The following HS2ST1 variants were observed in gnomAD, a reference collection of about 807,000 sequenced individuals.
The protein encoded by HS2ST1 is 2-O-sulfotransferase.
Under a neutral mutation model 42.9 loss-of-function variants are expected in HS2ST1, and 18 were observed. That is an observed-to-expected ratio of 0.42 (90% confidence interval 0.29 to 0.62). The LOEUF (loss-of-function observed/expected upper bound fraction) is 0.62. Ranked by LOEUF, HS2ST1 falls within the 20% of genes least tolerant of loss-of-function variation. The pLI is 0.21. For missense variants in HS2ST1, 334 were observed against 433.8 expected (o/e 0.77, Z 2.04); for synonymous variants, 146 against 152.9 (o/e 0.95, Z 0.33).
chr1:87,030,425 G>A (rs533728692), intron 1 of HS2ST1, among the ~76,000 whole-genome samples: 2 of 152,184 alleles, frequency 1.3e-5, no homozygotes, highest in East Asian at 3.9e-4. Context: ...TTGAGCCCAA[G>A]AGTTCAAGGT....
intron 1 of HS2ST1, among the ~76,000 whole-genome samples, chr1:86,953,798 G>A (rs749879472): frequency 2.6e-5 from 4 of 151,644 alleles, no homozygotes; most frequent in Non-Finnish European, 5.9e-5. Context: ...GAATGACATG[G>A]GACTCTTCCT....
chr1:87,028,164 T>C (rs1650135519), intron 1 of HS2ST1, among the ~76,000 whole-genome samples: 1 of 152,190 alleles, frequency 6.6e-6, no homozygotes, highest in Non-Finnish European at 1.5e-5. Context: ...GTAGACAATT[T>C]CACGTACACT....
chr1:87,095,447 A>C (rs529456397), intron 4 of HS2ST1, among the ~76,000 whole-genome samples: 3 of 152,306 alleles, frequency 2.0e-5, no homozygotes, highest in African/African-American at 7.2e-5. Flanking sequence ...TTACACTTCA[A>C]ACACATTTTA....
At chr1:86,975,192 C>T (rs532581190) in intron 1 of HS2ST1, among the ~76,000 whole-genome samples, 2 of 151,940 alleles carry the variant, frequency 1.3e-5, no homozygotes, top group South Asian at 2.1e-4. Context: ...GTTTTATACG[C>T]ATATTTTAAA....
chr1:87,004,227 C>G (rs1649371051), intron 1 of HS2ST1, among the ~76,000 whole-genome samples: 1 of 152,000 alleles, frequency 6.6e-6, no homozygotes, highest in Non-Finnish European at 1.5e-5. Flanking sequence ...CCCATCTCTA[C>G]TACAAGTAGA....
intron 1 of HS2ST1, among the ~76,000 whole-genome samples, chr1:86,949,801 A>AC (rs1222945910): frequency 6.6e-5 from 10 of 152,070 alleles, no homozygotes; most frequent in African/African-American, 2.2e-4. Flanking sequence ...TTTCAGTTTT[A>AC]CCCCCAATAA....
At chr1:87,084,941 G>A (rs1185314570) in intron 3 of HS2ST1, among the ~76,000 whole-genome samples, 3 of 151,812 alleles carry the variant, frequency 2.0e-5, no homozygotes, top group Admixed American at 6.6e-5. Flanking sequence ...CACTGTGCCC[G>A]GCCTCTGTCA....
intron 1 of HS2ST1, among the ~76,000 whole-genome samples, chr1:86,990,812 T>TTATAGATATA (rs1553135488): frequency 9.8e-5 from 1 of 10,250 alleles, no homozygotes; most frequent in African/African-American, 1.5e-4. Flanking sequence ...CTGGCTAATT[T>TTATAGATATA]TATATATATA....
chr1:87,068,686 C>T (rs921155067), intron 1 of HS2ST1, among the ~76,000 whole-genome samples: 1 of 152,134 alleles, frequency 6.6e-6, no homozygotes, highest in Non-Finnish European at 1.5e-5. Context: ...TAATAGCTTA[C>T]TGTTGGCCAG....
At position 87,097,827 on chromosome 1, in the gene HS2ST1, C is replaced by G; in HGVS notation, c.589-11C>G. ...TTATGGCTTACCCGTGCTGCTTTGT[C>G]TTTGTTCTAGACCTTTGATGAATGT... On this transcript the variant is annotated splice_polypyrimidine_tract_variant and intron_variant, in intron 4 of 6. Transcript: ENST00000370550. 6.2e-7 allele frequency: 1 copy of G among 1,613,744 alleles called. No individual in the cohort carries two copies. Among genetic ancestry groups the G allele is most frequent in the Non-Finnish European group, 8.5e-7 (1 of 1,179,850 alleles).
chr1:87,075,059 T>C lies in HS2ST1; in HGVS notation c.363+1887T>C, dbSNP rs188138611. On this transcript the variant is annotated intron_variant, in intron 2 of 6. Coordinates refer to ENST00000370550, the MANE Select transcript of HS2ST1 (RefSeq NM_012262.4). ...TAAACTAAAAATTGCACTGTATTTC[T>C]TAAAAATAATTTTTAAATATTCCCT... 2.1e-3 allele frequency among the ~76,000 whole-genome samples: 325 copies of C among 152,138 alleles called. 4 individuals carry two copies. The highest frequency in any genetic ancestry group is 7.6e-3 in the African/African-American group (315 of 41,536).
At chr1:86,944,510 A>T (rs2102179111) in intron 1 of HS2ST1, among the ~76,000 whole-genome samples, 1 of 152,148 alleles carries the variant, frequency 6.6e-6, no homozygotes, top group South Asian at 2.1e-4. Flanking sequence ...GTGCACCACC[A>T]TGCCCGGCTC....
intron 1 of HS2ST1, among the ~76,000 whole-genome samples, chr1:87,064,899 G>A (rs1651209675): frequency 6.6e-6 from 1 of 152,186 alleles, no homozygotes; most frequent in Admixed American, 6.5e-5. Context: ...CTCAGCTCAA[G>A]TAAGTGATCT....
At chr1:87,061,724 G>A (rs1651126286) in intron 1 of HS2ST1, among the ~76,000 whole-genome samples, 1 of 152,152 alleles carries the variant, frequency 6.6e-6, no homozygotes, top group Non-Finnish European at 1.5e-5. Flanking sequence ...TTGAGTACCT[G>A]TTTTCAGTTC....
rs1467817389 is a variant in HS2ST1, at chr1:87,108,568, CCTGTTTCAAAT to C, written c.*3874_*3884del. 1 of 152,044 alleles carries C rather than the reference CCTGTTTCAAAT, an allele frequency of 6.6e-6. No individual in the cohort carries two copies. The highest frequency in any genetic ancestry group is 2.4e-5 in the African/African-American group (1 of 41,408). 9.4% of individuals were successfully genotyped at this position (152,044 alleles called of 1,614,324 possible). A position where few individuals can be genotyped will look rare whatever the true frequency, so the allele number is the denominator to read the frequency against. On this transcript the variant is annotated 3_prime_UTR_variant, in exon 7 of 7. Coordinates refer to ENST00000370550, the MANE Select transcript of HS2ST1 (RefSeq NM_012262.4). Reference sequence around the variant, plus strand: ...GCAGCCTTCTGAGGAGAAAAGCAACCCTGTTTCAAATCCACTGCCAATTCAGCTCCTCTGGA... The same window carrying C: ...GCAGCCTTCTGAGGAGAAAAGCAACCCCACTGCCAATTCAGCTCCTCTGGA...
intron 1 of HS2ST1, among the ~76,000 whole-genome samples, chr1:87,067,005 A>G (rs1348030355): frequency 1.3e-5 from 2 of 152,144 alleles, no homozygotes; most frequent in African/African-American, 2.4e-5. Context: ...CATCTTTACT[A>G]TTGTAAACAG....
rs1650108989 is a variant in HS2ST1 at position 87,027,153 on chromosome 1, C to T, written c.125-45781C>T. On this transcript the variant is annotated intron_variant, in intron 1 of 6. Coordinates refer to ENST00000370550, the MANE Select transcript of HS2ST1 (RefSeq NM_012262.4). ...GTGTCACTTTTTAAGCACTGTGCAGCTTCCTGTGTTATTCCCTTCTTTGTC... is the reference window on the plus strand; with the variant it reads ...GTGTCACTTTTTAAGCACTGTGCAGTTTCCTGTGTTATTCCCTTCTTTGTC... Among the ~76,000 whole-genome samples, 2 of 152,126 alleles carry T rather than the reference C, an allele frequency of 1.3e-5. 1 individual carries two copies. Among genetic ancestry groups the T allele is most frequent in the South Asian group, 4.1e-4 (2 of 4,822 alleles).
intron 1 of HS2ST1, among the ~76,000 whole-genome samples, chr1:87,067,126 A>C (rs138377890): frequency 0.02 from 3,082 of 152,322 alleles, 93 homozygotes; most frequent in African/African-American, 0.064. Context: ...TTCTGGTTCT[A>C]GATCCTTGAG....
At chr1:86,954,457 T>C (rs900656690) in intron 1 of HS2ST1, among the ~76,000 whole-genome samples, 4 of 152,210 alleles carry the variant, frequency 2.6e-5, no homozygotes, top group Non-Finnish European at 4.4e-5. Flanking sequence ...AAAAAAGACG[T>C]TGATTTGAGA....
Sources: gnomAD v4.1 joint callset for allele counts (sites outside exome capture counted in the v4.1 genomes callset) on GRCh38, gnomAD v4.1.1 for gene constraint, MANE v1.5 for transcripts, NCBI Gene and HGNC (gene_info 2026-07-23, HGNC 2026-07-21) for gene names.